Variants in HHAT observed in about 807,000 individuals in gnomAD.
HHAT encodes the protein hedgehog acyltransferase, also known as protein-cysteine N-palmitoyltransferase HHAT.
HHAT carries 47 observed loss-of-function variants against 70.8 expected under a neutral mutation model. The observed-to-expected ratio is 0.66, with a 90% CI of 0.53 to 0.85. The LOEUF is 0.85. HHAT is among the 40% of genes least tolerant of loss of function. The probability of loss-of-function intolerance (pLI) is 0.00; values close to 1 mark genes in which losing one functional copy is unlikely to be tolerated. For missense variants in HHAT, 609 were observed against 604.8 expected (o/e 1.01, Z -0.07); for synonymous variants, 228 against 247.6 (o/e 0.92, Z 0.74).
At chr1:210,600,454 T>C (rs1663995987) in intron 10 of HHAT, among the ~76,000 whole-genome samples, 1 of 152,264 alleles carries the variant, frequency 6.6e-6, no homozygotes, top group African/African-American at 2.4e-5. Context: ...ATAGGTCTAG[T>C]GATGGCAAAA....
chr1:210,646,033 A>G (rs553612856), intron 11 of HHAT, among the ~76,000 whole-genome samples: 1 of 152,322 alleles, frequency 6.6e-6, no homozygotes, highest in South Asian at 2.1e-4. Flanking sequence ...TAAAAGAGGA[A>G]AAAGATAATG....
chr1:210,642,587 T>C (rs1482735897), intron 11 of HHAT, among the ~76,000 whole-genome samples: 1 of 152,218 alleles, frequency 6.6e-6, no homozygotes, highest in Non-Finnish European at 1.5e-5. Flanking sequence ...TAATTTGCAT[T>C]TCCTTGATGA....
At chr1:210,569,979 C>T (rs1655837472) in intron 9 of HHAT, among the ~76,000 whole-genome samples, 1 of 152,170 alleles carries the variant, frequency 6.6e-6, no homozygotes, top group Admixed American at 6.5e-5. Flanking sequence ...TTTTTATAGG[C>T]ACATTCCTTT....
intron 7 of HHAT, 105 bp downstream of exon 7, chr1:210,418,430 C>T (rs2092791555): frequency 1.0e-6 from 1 of 983,472 alleles, no homozygotes; most frequent in African/African-American, 1.7e-5. Flanking sequence ...GTGCCTATAG[C>T]AAACCCTCTT....
chr1:210,335,111 A>G (rs1240275579), intron 1 of HHAT, among the ~76,000 whole-genome samples: 2 of 152,206 alleles, frequency 1.3e-5, no homozygotes, highest in Non-Finnish European at 2.9e-5. Context: ...TATAGGCCAA[A>G]TGCTCATAAA....
chr1:210,487,285 A>G (rs1020857495), intron 8 of HHAT, among the ~76,000 whole-genome samples: 1 of 150,646 alleles, frequency 6.6e-6, no homozygotes, highest in Non-Finnish European at 1.5e-5. Context: ...CCATTCTCAG[A>G]ATAAGTCAAT....
At chr1:210,459,907 A>G (rs1053792980) in intron 7 of HHAT, among the ~76,000 whole-genome samples, 24 of 152,202 alleles carry the variant, frequency 1.6e-4, no homozygotes, top group African/African-American at 5.8e-4. Flanking sequence ...CTATAGTTGC[A>G]GTCAGACATC....
intron 6 of HHAT, among the ~76,000 whole-genome samples, chr1:210,416,022 A>G (rs984653541): frequency 2.0e-5 from 3 of 152,188 alleles, no homozygotes; most frequent in Non-Finnish European, 2.9e-5. Context: ...AGCAGATGGC[A>G]AAAGGGAGAA....
intron 3 of HHAT, chr1:210,374,261 C>T (rs962673065): frequency 2.1e-4 from 27 of 126,498 alleles, no homozygotes; most frequent in African/African-American, 6.2e-4. Flanking sequence ...TGAAGAGAAA[C>T]CAGTGTAATG....
At chr1:210,404,718 TA>T (rs760287378) in intron 6 of HHAT, 39 bp downstream of exon 6, 1 of 1,533,954 alleles carries the variant, frequency 6.5e-7, no homozygotes. Context: ...TTCTATAGCT[TA>T]AGCCTTTGTC....
At chr1:210,522,389 A>G (rs1167003207) in intron 9 of HHAT, among the ~76,000 whole-genome samples, 1 of 152,214 alleles carries the variant, frequency 6.6e-6, no homozygotes, top group Admixed American at 6.5e-5. Flanking sequence ...CTTGTACTAA[A>G]GTGTTTTAAA....
chr1:210,667,410 T>A (rs142767197), intron 11 of HHAT, among the ~76,000 whole-genome samples: 2 of 94,566 alleles, frequency 2.1e-5, no homozygotes, highest in Admixed American at 1.0e-4. Context: ...AAATAAATAA[T>A]TATTTTTTCT....
At chr1:210,420,123 C>T (rs2092851671) in intron 7 of HHAT, among the ~76,000 whole-genome samples, 1 of 152,220 alleles carries the variant, frequency 6.6e-6, no homozygotes, top group Non-Finnish European at 1.5e-5. Context: ...ATTACCCTCT[C>T]TGAAAAGATT....
chr1:210,388,863 G>A (rs979554134), intron 4 of HHAT, among the ~76,000 whole-genome samples: 4 of 151,942 alleles, frequency 2.6e-5, no homozygotes, highest in African/African-American at 9.7e-5. Flanking sequence ...CAGTTTTCCC[G>A]TATGTAAAAT....
At chr1:210,489,586 G>A (rs1558619846) in intron 8 of HHAT, among the ~76,000 whole-genome samples, 1 of 152,064 alleles carries the variant, frequency 6.6e-6, no homozygotes. Context: ...CCTTGACCAG[G>A]GCCTCTTTTG....
chr1:210,615,057 A>G (rs1488897830), intron 10 of HHAT, among the ~76,000 whole-genome samples: 1 of 152,124 alleles, frequency 6.6e-6, no homozygotes, highest in Non-Finnish European at 1.5e-5. Context: ...ATTTCTCCAC[A>G]TCCTGTCCAG....
At chr1:210,558,984 A>G (rs902188366) in intron 9 of HHAT, among the ~76,000 whole-genome samples, 1 of 152,150 alleles carries the variant, frequency 6.6e-6, no homozygotes, top group Admixed American at 6.5e-5. Context: ...TCAATTAGTG[A>G]CTCATGGAAT....
At chr1:210,628,066 A>C (rs1160518266) in intron 11 of HHAT, among the ~76,000 whole-genome samples, 2 of 152,204 alleles carry the variant, frequency 1.3e-5, no homozygotes, top group Admixed American at 1.3e-4. Context: ...TGTAATTCAA[A>C]GGTATCAAGG....
chr1:210,596,814 T>G (rs1170152052), intron 10 of HHAT, among the ~76,000 whole-genome samples: 3 of 152,210 alleles, frequency 2.0e-5, no homozygotes, highest in African/African-American at 7.2e-5. Flanking sequence ...AGTGATTTAC[T>G]CCTGGTGCCT....
Sources: allele counts gnomAD v4.1 joint callset (sites outside exome capture counted in the v4.1 genomes callset), GRCh38; gene constraint gnomAD v4.1.1; transcripts MANE v1.5; gene names NCBI Gene and HGNC (gene_info 2026-07-23, HGNC 2026-07-21).